The following KCNQ5 variants were observed in gnomAD, a reference collection of about 807,000 sequenced individuals.
The protein encoded by KCNQ5 is potassium voltage-gated channel subfamily Q member 5.
Under a neutral mutation model 98.2 loss-of-function variants are expected in KCNQ5, and 30 were observed. That is an observed-to-expected ratio of 0.31 (90% CI 0.23 to 0.41). The LOEUF (loss-of-function observed/expected upper bound fraction) is 0.41, where lower values mean the gene tolerates loss of function less well. KCNQ5 is among the 10% of genes least tolerant of loss of function. The probability of loss-of-function intolerance (pLI) is 1.00; values close to 1 mark genes in which losing one functional copy is unlikely to be tolerated. For synonymous variants in KCNQ5, 458 were observed against 449.4 expected (o/e 1.02, Z -0.24); for missense variants, 835 against 1,182.5 (o/e 0.71, Z 4.31).
intron 10 of KCNQ5, among the ~76,000 whole-genome samples, chr6:73,168,907 T>G (rs762408307): frequency 1.1e-4 from 16 of 152,194 alleles, no homozygotes; most frequent in Non-Finnish European, 1.9e-4. Context: ...TGTGACACTT[T>G]CCCAGTCATT....
Position 72,889,951 on chromosome 6 carries a change from A to T in KCNQ5, c.399-113957A>T, listed in dbSNP as rs534937071. Among the ~76,000 whole-genome samples the T allele has an allele frequency of 1.9e-3, 285 of 152,280 alleles. 1 individual carries two copies. The highest frequency in any genetic ancestry group is 6.6e-3 in the African/African-American group (275 of 41,562). On this transcript the variant is annotated intron_variant, in intron 1 of 13. Transcript: ENST00000370398. ...AAACCTCCATGAATATGTAGGGTAC[A>T]AGGCAGAGAGAACTGAATTCAGTCA... is the stretch of plus-strand genomic sequence containing the variant.
chr6:73,046,951 G>A (rs1771994251), intron 3 of KCNQ5, among the ~76,000 whole-genome samples: 1 of 152,040 alleles, frequency 6.6e-6, no homozygotes, highest in African/African-American at 2.4e-5. Flanking sequence ...CCTTTATAAT[G>A]TCCCATTTTA....
At chr6:73,008,523 A>G (rs1236046348) in intron 2 of KCNQ5, among the ~76,000 whole-genome samples, 1 of 152,188 alleles carries the variant, frequency 6.6e-6, no homozygotes, top group Non-Finnish European at 1.5e-5. Flanking sequence ...AAAGAAGGGC[A>G]TTATATATTA....
chr6:72,746,898 C>T lies in KCNQ5; in HGVS notation c.398+124311C>T, dbSNP rs76230698. 3.5e-3 allele frequency among the ~76,000 whole-genome samples: 534 copies of T among 152,124 alleles called. 4 individuals are homozygous for T. Among genetic ancestry groups the T allele is most frequent in the African/African-American group, 0.012 (496 of 41,506 alleles). On this transcript the variant is annotated intron_variant, in intron 1 of 13. Coordinates refer to ENST00000370398, the MANE Select transcript of KCNQ5 (RefSeq NM_019842.4). The stretch of plus-strand genomic sequence containing the variant: ...ATGTAGTAGTTGCGGAAAATAATGA[C>T]GCTCTTTGATTCTATCTAGCAGAAC...
At chr6:73,178,505 G>A (rs556124645) in intron 11 of KCNQ5, among the ~76,000 whole-genome samples, 2 of 150,444 alleles carry the variant, frequency 1.3e-5, no homozygotes, top group African/African-American at 4.9e-5. Flanking sequence ...AGCATTAGGA[G>A]AACAAGTCTA....
At chr6:72,979,658 C>T (rs151105804) in intron 1 of KCNQ5, among the ~76,000 whole-genome samples, 1,651 of 152,096 alleles carry the variant, frequency 0.011, 38 homozygotes, top group African/African-American at 0.038. Context: ...TTTCTTTTGC[C>T]ATGCAGAAGC....
At chr6:72,763,101 A>C (rs1390200790) in intron 1 of KCNQ5, among the ~76,000 whole-genome samples, 1 of 152,020 alleles carries the variant, frequency 6.6e-6, no homozygotes, top group African/African-American at 2.4e-5. Flanking sequence ...CATATAATGC[A>C]TCACTTATTT....
At chr6:73,186,775 G>T (rs758245757) in intron 11 of KCNQ5, among the ~76,000 whole-genome samples, 1 of 152,088 alleles carries the variant, frequency 6.6e-6, no homozygotes, top group Non-Finnish European at 1.5e-5. Flanking sequence ...AGTAACAGCT[G>T]TATTTAATAA....
At chr6:73,120,754 T>C (rs1775712340) in intron 8 of KCNQ5, among the ~76,000 whole-genome samples, 177 bp downstream of exon 8, 1 of 152,216 alleles carries the variant, frequency 6.6e-6, no homozygotes, top group African/African-American at 2.4e-5. Context: ...ATGGAATCAG[T>C]ATCATTCCTC....
intron 1 of KCNQ5, among the ~76,000 whole-genome samples, chr6:72,667,778 T>C (rs888167265): frequency 1.3e-5 from 2 of 152,220 alleles, no homozygotes; most frequent in African/African-American, 4.8e-5. Context: ...GATGTATCCC[T>C]ATATGATGGT....
At chr6:73,030,614 G>A (rs891075188) in intron 2 of KCNQ5, among the ~76,000 whole-genome samples, 1 of 152,208 alleles carries the variant, frequency 6.6e-6, no homozygotes, top group African/African-American at 2.4e-5. Flanking sequence ...AGGAAGGCAA[G>A]ACTAGGTTTT....
At chr6:73,081,010 G>A (rs963175306) in intron 5 of KCNQ5, among the ~76,000 whole-genome samples, 7 of 152,206 alleles carry the variant, frequency 4.6e-5, no homozygotes, top group Non-Finnish European at 7.4e-5. Flanking sequence ...AAAAGACCTG[G>A]TACCAAGAAC....
At chr6:73,124,936 G>GATATATAT (rs1180218889) in intron 9 of KCNQ5, among the ~76,000 whole-genome samples, 46 of 76,246 alleles carry the variant, frequency 6.0e-4, no homozygotes, top group Non-Finnish European at 6.8e-4. Context: ...CTTTTGGAGT[G>GATATATAT]ATATATATAT....
chr6:72,794,876 G>A (rs1265926285), intron 1 of KCNQ5, among the ~76,000 whole-genome samples: 1 of 152,164 alleles, frequency 6.6e-6, no homozygotes, highest in African/African-American at 2.4e-5. Context: ...GTTTCATTTG[G>A]TTGCAAGTTA....
rs1412921963 is a variant in KCNQ5, at chr6:73,073,818, A to G, written c.617-3504A>G. Among the ~76,000 whole-genome samples, 61 of 152,220 alleles carry G rather than the reference A, an allele frequency of 4.0e-4. 2 individuals carry two copies. Among genetic ancestry groups the G allele is most frequent in the Admixed American group, 3.8e-3 (58 of 15,280 alleles). On this transcript the variant is annotated intron_variant, in intron 3 of 13. Coordinates refer to ENST00000370398, the MANE Select transcript of KCNQ5 (RefSeq NM_019842.4). ...AAAAACAAGCTTCCTATGTTTCAAA[A>G]AATATTTTAGACAATTAACTAACTG...
Position 73,194,852 on chromosome 6 carries a change from C to A in KCNQ5, c.2237C>A (p.Thr746Lys). The A allele has an allele frequency of 6.2e-7, 1 of 1,614,192 alleles. No homozygotes were observed. Among genetic ancestry groups the A allele is most frequent in the Non-Finnish European group, 8.5e-7 (1 of 1,180,028 alleles). Reference protein sequence around the residue: ...INTAPKPAAPTTLQIPPPLPA... With the variant: ...INTAPKPAAPKTLQIPPPLPA... ...ACGGCACCCAAGCCAGCAGCCCCAACAACTTTACAGATCCCACCTCCTCTC... is the reference window on the plus strand; with the variant it reads ...ACGGCACCCAAGCCAGCAGCCCCAAAAACTTTACAGATCCCACCTCCTCTC... The change falls in exon 14 of 14, where the codon ACA (threonine) becomes AAA (lysine). Residue 746 changes from threonine (T) to lysine (K), a missense_variant. By Grantham distance (78) the Thr-to-Lys change is moderately conservative. This residue lies in a region of KCNQ5 where 416 missense variants were observed against 446.9 expected (regional missense o/e 0.93). Coordinates refer to ENST00000370398, the MANE Select transcript of KCNQ5 (RefSeq NM_019842.4).
chr6:73,001,216 G>A (rs142352260), intron 1 of KCNQ5, among the ~76,000 whole-genome samples: 42 of 152,122 alleles, frequency 2.8e-4, no homozygotes, highest in African/African-American at 9.4e-4. Flanking sequence ...AGCCTCTGTA[G>A]CATTTTTCTT....
chr6:72,939,335 G>A (rs1261865514), intron 1 of KCNQ5, among the ~76,000 whole-genome samples: 4 of 152,174 alleles, frequency 2.6e-5, no homozygotes. Flanking sequence ...CTTCCACTCG[G>A]AGTAAGTCTG....
At chr6:72,911,512 G>A (rs543309831) in intron 1 of KCNQ5, among the ~76,000 whole-genome samples, 5 of 152,098 alleles carry the variant, frequency 3.3e-5, no homozygotes, top group African/African-American at 4.8e-5. Context: ...GTTTATGGTG[G>A]TTTGTTAAGT....
Sources: allele counts gnomAD v4.1 joint callset (sites outside exome capture counted in the v4.1 genomes callset), GRCh38; gene constraint gnomAD v4.1.1; regional missense constraint gnomAD v4.1.1; transcripts MANE v1.5; gene names NCBI Gene and HGNC (gene_info 2026-07-23, HGNC 2026-07-21).